The following CPVL variants were observed in gnomAD, a reference collection of about 807,000 sequenced individuals.
The protein encoded by CPVL is carboxypeptidase vitellogenic like.
CPVL carries 51 observed loss-of-function variants against 63.7 expected under a neutral mutation model. The observed-to-expected ratio is 0.80, with a 90% confidence interval of 0.64 to 1.01. CPVL has a LOEUF of 1.01. Among genes scored for constraint, CPVL ranks in the 50% least tolerant of loss-of-function variants. The probability of loss-of-function intolerance (pLI) is 0.00; values close to 1 mark genes in which losing one functional copy is unlikely to be tolerated. For missense variants in CPVL, 530 were observed against 573.1 expected, an observed-to-expected ratio of 0.92 and a Z score of 0.77; for synonymous variants, 195 against 206.0, an observed-to-expected ratio of 0.95 and a Z score of 0.46.
chr7:29,172,204 T>TA (rs1431339834), intron 5 of CPVL, among the ~76,000 whole-genome samples: 1 of 152,088 alleles, frequency 6.6e-6, no homozygotes. Flanking sequence ...CATCTTACTG[T>TA]AAATCATTAA....
At chr7:29,149,657 A>G (rs1793314954), upstream of CPVL, among the ~76,000 whole-genome samples, 1 of 152,154 alleles carries the variant, frequency 6.6e-6, no homozygotes, top group Non-Finnish European at 1.5e-5. Flanking sequence ...ACAAGTCTGA[A>G]ATTAAAGTGC....
At chr7:29,132,342 A>G (rs1790781556) in intron 1 of CPVL, among the ~76,000 whole-genome samples, 1 of 152,184 alleles carries the variant, frequency 6.6e-6, no homozygotes, top group African/African-American at 2.4e-5. Context: ...CCTGTATTTT[A>G]GGGCACTGCT....
At chr7:28,998,739 G>A (rs1784329821) in intron 12 of CPVL, among the ~76,000 whole-genome samples, 2 of 151,458 alleles carry the variant, frequency 1.3e-5, no homozygotes, top group Non-Finnish European at 2.9e-5. Flanking sequence ...GGAGTTTGAG[G>A]CTACAGTGAG....
At chr7:29,092,142 G>T (rs1422650401) in intron 6 of CPVL, among the ~76,000 whole-genome samples, 1 of 149,736 alleles carries the variant, frequency 6.7e-6, no homozygotes, top group Non-Finnish European at 1.5e-5. Flanking sequence ...GAAATTATAT[G>T]GACACTGTTT....
intron 1 of CPVL, chr7:29,126,865 C>A (rs974411524): frequency 1.2e-4 from 18 of 152,188 alleles, no homozygotes; most frequent in African/African-American, 4.3e-4. Flanking sequence ...GGGACAGAGT[C>A]TCACTATGTT....
chr7:29,169,801 G>A (rs1796361203), intron 5 of CPVL, among the ~76,000 whole-genome samples: 1 of 151,444 alleles, frequency 6.6e-6, no homozygotes, highest in Non-Finnish European at 1.5e-5. Context: ...TTATTCCATG[G>A]CTACCTGGCA....
chr7:28,995,887 A>C lies in CPVL; in HGVS notation c.1321-5T>G. ...TCCTCCACCTCGAATAATTACCTTA[A>C]AAAGAAAAAGTAAAAGAACGGAAAT... is the stretch of plus-strand genomic sequence containing the variant. On this transcript the variant is annotated splice_polypyrimidine_tract_variant and splice_region_variant and intron_variant, in intron 12 of 12. Transcript: ENST00000265394. 1 of 1,515,174 alleles carries C rather than the reference A, an allele frequency of 6.6e-7. No individual in the cohort carries two copies. Among genetic ancestry groups the C allele is most frequent in the Non-Finnish European group, 9.0e-7 (1 of 1,113,820 alleles). 93.9% of individuals were successfully genotyped at this position (1,515,174 alleles called of 1,614,324 possible). A position where few individuals can be genotyped will look rare whatever the true frequency, so the allele number is the denominator to read the frequency against.
rs6960518 is a variant in CPVL at position 29,141,782 on chromosome 7, G to A, written c.-11+4647C>T. Among the ~76,000 whole-genome samples the A allele has an allele frequency of 8.6e-3, 1,312 of 151,790 alleles. 19 individuals carry two copies. The highest frequency in any genetic ancestry group is 0.03 in the African/African-American group (1,252 of 41,366). The stretch of plus-strand genomic sequence containing the variant: ...ATATAAAAATTAGCCAGGCGTGGGG[G>A]TACACGCCTGTAGTCCCAGCTACTC... On this transcript the variant is annotated intron_variant, in intron 1 of 12. Transcript: ENST00000265394.
intron 4 of CPVL, among the ~76,000 whole-genome samples, chr7:29,181,661 C>G (rs1486645300): frequency 6.6e-6 from 1 of 152,084 alleles, no homozygotes; most frequent in Non-Finnish European, 1.5e-5. Context: ...ATTATGGCCT[C>G]CAACTAGAAA....
At chr7:29,188,697 A>G (rs977392566) in intron 1 of CPVL, among the ~76,000 whole-genome samples, 2 of 152,154 alleles carry the variant, frequency 1.3e-5, no homozygotes, top group Non-Finnish European at 2.9e-5. Context: ...AAAACTGTGG[A>G]TAAGAAAATG....
At chr7:29,052,288 G>C (rs1351683174) in intron 11 of CPVL, among the ~76,000 whole-genome samples, 1 of 150,930 alleles carries the variant, frequency 6.6e-6, no homozygotes, top group Non-Finnish European at 1.5e-5. Flanking sequence ...ATAACCTATG[G>C]GGAAAAAAAT....
At chr7:29,115,937 A>C (rs986422746) in intron 2 of CPVL, among the ~76,000 whole-genome samples, 1 of 152,206 alleles carries the variant, frequency 6.6e-6, no homozygotes, top group African/African-American at 2.4e-5. Flanking sequence ...TGAGGATGCC[A>C]AAGTAGCTTC....
chr7:29,158,115 A>T (rs947758401), intron 5 of CPVL, among the ~76,000 whole-genome samples: 1 of 152,188 alleles, frequency 6.6e-6, no homozygotes, highest in Non-Finnish European at 1.5e-5. Flanking sequence ...TCCACTGAAC[A>T]CTGGTTAAGA....
intron 11 of CPVL, among the ~76,000 whole-genome samples, chr7:29,031,448 C>A (rs991000046): frequency 4.6e-5 from 7 of 152,150 alleles, no homozygotes; most frequent in Non-Finnish European, 1.0e-4. Flanking sequence ...TGAGGTAACT[C>A]TTTTCATTAA....
chr7:29,189,414 AAG>A (rs1404238581), intron 1 of CPVL, among the ~76,000 whole-genome samples: 1 of 152,188 alleles, frequency 6.6e-6, no homozygotes, highest in Non-Finnish European at 1.5e-5. Flanking sequence ...TTCATAGAAA[AAG>A]AGCATAAAGC....
At chr7:29,001,574 T>C (rs2252521) in intron 12 of CPVL, among the ~76,000 whole-genome samples, 95,793 of 152,050 alleles carry the variant, frequency 0.63, 31,522 homozygotes, top group Non-Finnish European at 0.72. Flanking sequence ...TAACAAAGAA[T>C]GCAATAAGTC....
In CPVL at chr7:29,022,351, C is replaced by T. The variant is rs543391442; in HGVS notation, c.1320+8226G>A. Among the ~76,000 whole-genome samples the T allele has an allele frequency of 1.8e-4, 28 of 152,346 alleles. No homozygotes were observed. The South Asian group carries it at 4.4e-3, about 24-fold the overall frequency. On this transcript the variant is annotated intron_variant, in intron 12 of 12. Coordinates refer to ENST00000265394, the MANE Select transcript of CPVL (RefSeq NM_031311.5). ...GAACCAGGAGGCCGACCTACCACCC[C>T]CACTGCCACTGGTGCCCACATACAT...
At chr7:29,110,040 C>A (rs898164280) in intron 3 of CPVL, among the ~76,000 whole-genome samples, 3 of 152,180 alleles carry the variant, frequency 2.0e-5, no homozygotes, top group African/African-American at 7.2e-5. Flanking sequence ...AAGAAAAAAA[C>A]TGGGTTTTTG....
At position 29,193,548 on chromosome 7, in the gene CPVL, A is replaced by G. The variant is rs1047705555; in HGVS notation, c.-448+1529T>C. On this transcript the variant is annotated intron_variant, in intron 1 of 16. Coordinates refer to the CPVL transcript ENST00000409850. The stretch of plus-strand genomic sequence containing the variant: ...CCTTTGATCTAACAATTTCTCTTCA[A>G]ATTTCACAGTTTTCTGTTGCTTTAG... The G allele has an allele frequency of 2.0e-5, 3 of 152,166 alleles. No individual in the cohort carries two copies. The South Asian group carries it at 6.2e-4, about 32-fold the overall frequency. 9.4% of individuals were successfully genotyped at this position (152,166 alleles called of 1,614,324 possible).
Sources: gnomAD v4.1 joint callset for allele counts (sites outside exome capture counted in the v4.1 genomes callset) on GRCh38, gnomAD v4.1.1 for gene constraint, MANE v1.5 for transcripts, NCBI Gene and HGNC (gene_info 2026-07-23, HGNC 2026-07-21) for gene names.